The following MYBPH variants were observed in gnomAD, a reference collection of about 807,000 sequenced individuals.
MYBPH encodes the protein myosin-binding protein H.
In MYBPH, 49 loss-of-function variants were observed where a neutral mutation model predicts 53.6. The ratio of observed to expected loss-of-function variants is 0.91; its 90% CI spans 0.73 to 1.16. The LOEUF (loss-of-function observed/expected upper bound fraction) is 1.16, where lower values mean the gene tolerates loss of function less well. Ranked by LOEUF, MYBPH falls within the 50% of genes most tolerant of loss-of-function variation. The pLI is 0.00. For synonymous variants in MYBPH, 239 were observed against 249.6 expected (o/e 0.96, Z 0.40); for missense variants, 558 against 624.1 (o/e 0.89, Z 1.13).
Position 203,171,939 on chromosome 1 carries a change from G to C in MYBPH, c.597+13C>G. On this transcript the variant is annotated intron_variant, in intron 4 of 10. Transcript: ENST00000255416. The surrounding 1 kb of genome is among the most constrained non-coding windows in gnomAD (Gnocchi z 4.2). ...CCACCCAGGCTGTTACCCTTGGTGG[G>C]GGTAATACCCACCTGGAAGGGGATT... 2 of 1,320,494 alleles carry C rather than the reference G, an allele frequency of 1.5e-6. No homozygotes were observed. The highest frequency in any genetic ancestry group is 2.8e-5 in the East Asian group (1 of 35,582). The allele number at this position is 1,320,494 out of a possible 1,614,324, so 81.8% of individuals were successfully genotyped here. A position where few individuals can be genotyped will look rare whatever the true frequency, so the allele number is the denominator to read the frequency against.
intron 3 of MYBPH, among the ~76,000 whole-genome samples, chr1:203,173,405 G>A (rs1213040227): frequency 6.6e-6 from 1 of 152,250 alleles, no homozygotes; most frequent in Non-Finnish European, 1.5e-5. Flanking sequence ...AAGATGCTCT[G>A]CAGTGCAGTG....
chr1:203,170,882 G>C (rs1412532938), intron 6 of MYBPH, among the ~76,000 whole-genome samples, 179 bp downstream of exon 6: 1 of 152,222 alleles, frequency 6.6e-6, no homozygotes, highest in African/African-American at 2.4e-5. Flanking sequence ...ACAGTCTTCA[G>C]GAGGCATCTG....
At chr1:203,172,198 G>A (rs536579147) in intron 3 of MYBPH, among the ~76,000 whole-genome samples, 158 bp from the exon 4 acceptor site, 9 of 152,188 alleles carry the variant, frequency 5.9e-5, no homozygotes, top group African/African-American at 2.2e-4. Flanking sequence ...GAAGGGTGAA[G>A]CTCTCACTCC....
upstream of MYBPH, chr1:203,179,074 G>C (rs79819896): frequency 3.3e-3 from 603 of 180,242 alleles, 1 homozygote; most frequent in African/African-American, 0.014. Context: ...TGTCTTGTAG[G>C]ATGTTTGGCT....
At chr1:203,173,032 G>A (rs1407441145) in intron 3 of MYBPH, among the ~76,000 whole-genome samples, 1 of 152,190 alleles carries the variant, frequency 6.6e-6, no homozygotes, top group Non-Finnish European at 1.5e-5. Context: ...AGCAGCCAAG[G>A]ATCCTGGACA....
rs113374301 is a variant in MYBPH, at chr1:203,175,355, G to C, written c.312C>G (p.Gly104=). Reference sequence around the variant, plus strand: ...CCTCTCTGCAGAGCTCCAGCACATAGCCCTGGAGGCCCAGCCTCCCCAGCC... The same window carrying C: ...CCTCTCTGCAGAGCTCCAGCACATACCCCTGGAGGCCCAGCCTCCCCAGCC... The part of the protein sequence containing the change: ...PERLGRLGLQ[G]YVLELCREGA... Residue 104 remains glycine, a synonymous_variant, in exon 2 of 11, where the codon GGC becomes GGG. Coordinates refer to ENST00000255416, the MANE Select transcript of MYBPH (RefSeq NM_004997.3). The C allele has an allele frequency of 2.3e-5, 35 of 1,526,256 alleles. No individual in the cohort carries two copies. The African/African-American group carries it at 3.8e-4, about 16-fold the overall frequency. The allele number at this position is 1,526,256 out of a possible 1,614,324, so 94.5% of individuals were successfully genotyped here.
Position 203,169,232 on chromosome 1 carries a change from C to A in MYBPH, c.1230+21G>T, listed in dbSNP as rs773097342. On this transcript the variant is annotated intron_variant, in intron 8 of 10. Coordinates refer to ENST00000255416, the MANE Select transcript of MYBPH (RefSeq NM_004997.3). Reference sequence around the variant, plus strand: ...CACCTGCCCCCACCAGCCCAGGGCACAACAGGGCCTGGCCCCTCACCTTGG... The same window carrying A: ...CACCTGCCCCCACCAGCCCAGGGCAAAACAGGGCCTGGCCCCTCACCTTGG... 1.8e-5 allele frequency: 29 copies of A among 1,592,566 alleles called. 1 individual carries two copies. Among genetic ancestry groups the A allele is most frequent in the Non-Finnish European group, 2.5e-5 (29 of 1,169,528 alleles).
At position 203,175,746 on chromosome 1, in the gene MYBPH, T is replaced by C. The variant is rs149653580; in HGVS notation, c.10A>G (p.Lys4Glu). The C allele has an allele frequency of 1.8e-5, 29 of 1,613,878 alleles. No homozygotes were observed. The African/African-American group carries it at 3.3e-4, about 19-fold the overall frequency. ...CAGGCAGGGCCCTCGGAGGTGTTTT[T>C]TTCCATCATTGCTGGACTGGCTGGG... Reference protein sequence around the residue: MMEKNTSEGPACSP... With the variant: MMEENTSEGPACSP... The change falls in exon 1 of 11, where the codon AAA becomes GAA. Residue 4 changes from lysine (K) to glutamate (E), a missense_variant. Physicochemically the swap from Lys to Glu is moderately conservative, Grantham distance 56. Coordinates refer to ENST00000255416, the MANE Select transcript of MYBPH (RefSeq NM_004997.3).
chr1:203,168,884 T>TCTCCCGTC, intron 9 of MYBPH, 22 bp downstream of exon 9: 1 of 1,612,950 alleles, frequency 6.2e-7, no homozygotes, highest in East Asian at 2.2e-5. Flanking sequence ...TTACTCCTGT[T>TCTCCCGTC]CTCCCGTCCT....
In MYBPH at chr1:203,175,424, A is replaced by G. The variant is rs1450125336; in HGVS notation, c.243T>C (p.Asp81=). 1 of 1,561,124 alleles carries G rather than the reference A, an allele frequency of 6.4e-7. No homozygotes were observed. The highest frequency in any genetic ancestry group is 1.8e-5 in the Admixed American group (1 of 54,224). The change falls in exon 2 of 11, where the codon GAT becomes GAC. Residue 81 remains aspartate, a synonymous_variant. Coordinates refer to ENST00000255416, the MANE Select transcript of MYBPH (RefSeq NM_004997.3). Reference sequence around the variant, plus strand: ...TCACAGTCACAGAGCTGCTGCTCACATCATCCAGGGTCAGCAGCAGTGGGG... The same window carrying G: ...TCACAGTCACAGAGCTGCTGCTCACGTCATCCAGGGTCAGCAGCAGTGGGG... The part of the protein sequence containing the change: ...PSAPLLLTLD[D]VSSSSVTVSW...
chr1:203,168,736 T>C, intron 9 of MYBPH, 61 bp from the exon 10 acceptor site: 1 of 1,602,386 alleles, frequency 6.2e-7, no homozygotes, highest in Non-Finnish European at 8.5e-7. Flanking sequence ...AAGTTCACGG[T>C]TATACACCCT....
chr1:203,172,495 G>T (rs762791435), intron 3 of MYBPH, among the ~76,000 whole-genome samples: 1 of 152,146 alleles, frequency 6.6e-6, no homozygotes, highest in Non-Finnish European at 1.5e-5. Context: ...ACAAGCCCAG[G>T]ACTTTCAGAG....
chr1:203,169,428 C>T (rs1429476507), intron 7 of MYBPH, 39 bp from the exon 8 acceptor site: 6 of 1,552,408 alleles, frequency 3.9e-6, no homozygotes, highest in Non-Finnish European at 5.2e-6. Context: ...TCTGAGCTTA[C>T]AGGAGTGAGG....
Position 203,171,022 on chromosome 1 carries a change from C to T in MYBPH, c.933+39G>A. ...TGGGCCTTCCCCACCACCTTGACCACTTCGTACCCCGACCCCACTTTGCCT... is the reference window on the plus strand; with the variant it reads ...TGGGCCTTCCCCACCACCTTGACCATTTCGTACCCCGACCCCACTTTGCCT... On this transcript the variant is annotated intron_variant, in intron 6 of 10. Transcript: ENST00000255416. The surrounding 1 kb of genome is among the most constrained non-coding windows in gnomAD (Gnocchi z 4.2). 1.9e-6 allele frequency: 3 copies of T among 1,548,796 alleles called. No individual in the cohort carries two copies. Among genetic ancestry groups the T allele is most frequent in the Non-Finnish European group, 2.6e-6 (3 of 1,149,202 alleles).
chr1:203,174,943 C>T (rs1655771093), intron 2 of MYBPH, among the ~76,000 whole-genome samples: 1 of 152,064 alleles, frequency 6.6e-6, no homozygotes. Context: ...CACCCCATTC[C>T]CGCTTTCTCC....
At chr1:203,177,024 G>C (rs916585456), upstream of MYBPH, among the ~76,000 whole-genome samples, 1 of 152,102 alleles carries the variant, frequency 6.6e-6, no homozygotes, top group Non-Finnish European at 1.5e-5. Context: ...CAAAATATGG[G>C]GTCAAATGAG....
rs1655672915 is a variant in MYBPH at position 203,170,427 on chromosome 1, G to A, written c.957C>T (p.Arg319=). The change falls in exon 7 of 11, where the codon CGC becomes CGT. Residue 319 remains arginine (R), a synonymous_variant. Transcript: ENST00000255416. ...KTGQWFTVLE[R]YHPTTCTISD... ...AGATGGTGCAGGTGGTTGGGTGGTA[G>A]CGCTCCAGCACTGTGAACCATTGCT... 6.2e-7 allele frequency: 1 copy of A among 1,614,036 alleles called. No homozygotes were observed. Among genetic ancestry groups the A allele is most frequent in the African/African-American group, 1.3e-5 (1 of 74,918 alleles).
At chr1:203,175,262 C>T in intron 2 of MYBPH, 65 bp downstream of exon 2, 1 of 1,498,658 alleles carries the variant, frequency 6.7e-7, no homozygotes, top group Non-Finnish European at 8.9e-7. Flanking sequence ...GGCCTGTGCA[C>T]TTGTCCCTGC....
At chr1:203,176,368 G>A (rs767611881), upstream of MYBPH, among the ~76,000 whole-genome samples, 3 of 152,146 alleles carry the variant, frequency 2.0e-5, no homozygotes, top group Non-Finnish European at 4.4e-5. Flanking sequence ...TGCTGAGGGT[G>A]GAGCTGCTCA....
Sources: gnomAD v4.1 joint callset for allele counts (sites outside exome capture counted in the v4.1 genomes callset) on GRCh38, gnomAD v4.1.1 for gene constraint, Gnocchi (gnomAD v3.1) non-coding constraint, MANE v1.5 for transcripts, NCBI Gene and HGNC (gene_info 2026-07-23, HGNC 2026-07-21) for gene names.